The following CSMD1 variants were observed in gnomAD, a reference collection of about 807,000 sequenced individuals.
CSMD1 encodes CUB and Sushi multiple domains 1.
Under a neutral mutation model 417.5 loss-of-function variants are expected in CSMD1, and 213 were observed. The ratio of observed to expected loss-of-function variants is 0.51; its 90% CI spans 0.46 to 0.57. The LOEUF (loss-of-function observed/expected upper bound fraction) is 0.57, where lower values mean the gene tolerates loss of function less well. Among genes scored for constraint, CSMD1 ranks in the 20% least tolerant of loss-of-function variants. CSMD1 has a pLI of 0.00. For synonymous variants in CSMD1, 2,862 were observed against 1,736.8 expected (o/e 1.65, Z -16.11); for missense variants, 6,923 against 4,529.7 (o/e 1.53, Z -15.17).
intron 1 of CSMD1, among the ~76,000 whole-genome samples, chr8:4,809,720 T>C (rs1798787894): frequency 6.6e-6 from 1 of 152,258 alleles, no homozygotes; most frequent in Non-Finnish European, 1.5e-5. Context: ...CCAAAACATC[T>C]GTCATTTCAA....
chr8:4,103,755 C>T (rs549770342), intron 3 of CSMD1, among the ~76,000 whole-genome samples: 1 of 152,196 alleles, frequency 6.6e-6, no homozygotes, highest in South Asian at 2.1e-4. Flanking sequence ...AAAGCTGAAA[C>T]TTCTTATATT....
At chr8:4,713,014 C>G (rs987173600) in intron 1 of CSMD1, among the ~76,000 whole-genome samples, 2 of 152,176 alleles carry the variant, frequency 1.3e-5, no homozygotes, top group Admixed American at 6.6e-5. Flanking sequence ...ATTAGGCTGC[C>G]TGACTACAAG....
At chr8:4,709,519 A>T (rs1437838928) in intron 1 of CSMD1, among the ~76,000 whole-genome samples, 1 of 152,218 alleles carries the variant, frequency 6.6e-6, no homozygotes, top group African/African-American at 2.4e-5. Context: ...GGCTGAGGGT[A>T]CAAAGAGGGC....
intron 26 of CSMD1, among the ~76,000 whole-genome samples, chr8:3,275,727 C>G (rs1802233395): frequency 6.6e-6 from 1 of 152,194 alleles, no homozygotes. Context: ...GCATCGGCTC[C>G]TGAGGCTTCT....
chr8:4,178,742 A>G (rs919282510), intron 3 of CSMD1, among the ~76,000 whole-genome samples: 7 of 152,204 alleles, frequency 4.6e-5, no homozygotes, highest in Non-Finnish European at 7.3e-5. Flanking sequence ...GTCTCAGGAT[A>G]CAAAATCAAT....
At chr8:4,313,145 G>T (rs181020927) in intron 3 of CSMD1, among the ~76,000 whole-genome samples, 1 of 152,116 alleles carries the variant, frequency 6.6e-6, no homozygotes, top group Non-Finnish European at 1.5e-5. Flanking sequence ...TGAGCAAGCT[G>T]GAACTGGTCT....
chr8:3,557,661 G>C (rs1013066176), intron 10 of CSMD1, among the ~76,000 whole-genome samples: 2 of 152,092 alleles, frequency 1.3e-5, no homozygotes, highest in African/African-American at 4.8e-5. Flanking sequence ...GGAAATGCTT[G>C]GAGCATGGAG....
chr8:3,054,738 G>C (rs1812104610), intron 49 of CSMD1, among the ~76,000 whole-genome samples: 1 of 152,120 alleles, frequency 6.6e-6, no homozygotes, highest in South Asian at 2.1e-4. Flanking sequence ...ATGTGTGTAT[G>C]GCATACTACA....
At chr8:3,998,981 A>G (rs1008510637) in intron 4 of CSMD1, among the ~76,000 whole-genome samples, 14 of 147,288 alleles carry the variant, frequency 9.5e-5, no homozygotes, top group Non-Finnish European at 1.8e-4. Flanking sequence ...TAAATAACAT[A>G]AACTATATGA....
intron 1 of CSMD1, among the ~76,000 whole-genome samples, chr8:4,871,234 C>G (rs1258358064): frequency 2.6e-5 from 4 of 152,098 alleles, no homozygotes; most frequent in Non-Finnish European, 5.9e-5. Context: ...TGGTCCAGAG[C>G]TAGCATGTGG....
At chr8:3,679,868 AG>A (rs1251688052) in intron 7 of CSMD1, among the ~76,000 whole-genome samples, 1 of 152,232 alleles carries the variant, frequency 6.6e-6, no homozygotes, top group Non-Finnish European at 1.5e-5. Flanking sequence ...ACAAGAACTC[AG>A]GATTAAGAAA....
intron 23 of CSMD1, among the ~76,000 whole-genome samples, chr8:3,328,047 T>C (rs1303867012): frequency 6.6e-6 from 1 of 152,180 alleles, no homozygotes; most frequent in Admixed American, 6.5e-5. Context: ...CCTGTCCGTC[T>C]AAAGCAGGTA....
At chr8:3,745,228 G>T (rs1176420242) in intron 6 of CSMD1, among the ~76,000 whole-genome samples, 2 of 152,098 alleles carry the variant, frequency 1.3e-5, no homozygotes, top group African/African-American at 4.8e-5. Context: ...TGTAGACTAT[G>T]CCATGGTCAA....
chr8:3,142,790 A>G (rs1299228006), intron 40 of CSMD1, 116 bp from the exon 41 acceptor site: 14 of 901,780 alleles, frequency 1.6e-5, no homozygotes, highest in Non-Finnish European at 2.3e-5. Flanking sequence ...TCTGTGAGAC[A>G]GAACCATGCC....
chr8:3,792,018 G>A (rs1012761679), intron 5 of CSMD1, among the ~76,000 whole-genome samples: 4 of 150,254 alleles, frequency 2.7e-5, no homozygotes, highest in African/African-American at 7.3e-5. Flanking sequence ...TACTTCTAAT[G>A]TTTTGACAGT....
chr8:4,649,539 G>T (rs561415720), intron 1 of CSMD1, among the ~76,000 whole-genome samples: 33 of 152,248 alleles, frequency 2.2e-4, no homozygotes, highest in African/African-American at 7.5e-4. Context: ...ATCCTATCCT[G>T]ACACAATTTA....
In CSMD1 at chr8:4,179,477, A is replaced by G. The variant is rs1459174347; in HGVS notation, c.416-147378T>C. Among the ~76,000 whole-genome samples the G allele has an allele frequency of 1.5e-4, 23 of 151,616 alleles. No individual in the cohort carries two copies. The East Asian group carries it at 4.3e-3, about 28-fold the overall frequency. On this transcript the variant is annotated intron_variant, in intron 3 of 69. Coordinates refer to ENST00000635120, the MANE Select transcript of CSMD1 (RefSeq NM_033225.6). The stretch of plus-strand genomic sequence containing the variant: ...TTAGACCTAAAACCATAAAAACCCT[A>G]GAAGAAAACCTAGGCATTACCATTC...
At chr8:4,816,461 C>G (rs1440852451) in intron 1 of CSMD1, among the ~76,000 whole-genome samples, 1 of 152,104 alleles carries the variant, frequency 6.6e-6, no homozygotes, top group African/African-American at 2.4e-5. Context: ...CTCCTGACCT[C>G]AAGTGATCCA....
intron 2 of CSMD1, among the ~76,000 whole-genome samples, chr8:4,574,920 GT>G (rs1166420540): frequency 3.9e-5 from 6 of 152,106 alleles, no homozygotes; most frequent in African/African-American, 1.4e-4. Context: ...ATATAATTTT[GT>G]TTTAATATCT....
Sources: allele counts gnomAD v4.1 joint callset (sites outside exome capture counted in the v4.1 genomes callset), GRCh38; gene constraint gnomAD v4.1.1; transcripts MANE v1.5; gene names NCBI Gene and HGNC (gene_info 2026-07-23, HGNC 2026-07-21).